The following PLCG2 variants were observed in gnomAD, a reference collection of about 807,000 sequenced individuals.
The protein encoded by PLCG2 is phospholipase C gamma 2.
Under a neutral mutation model 175.6 loss-of-function variants are expected in PLCG2, and 69 were observed. That is an observed-to-expected ratio of 0.39 (90% CI 0.32 to 0.48). PLCG2 has a LOEUF of 0.48. PLCG2 is among the 20% of genes least tolerant of loss of function. The probability of loss-of-function intolerance (pLI) is 0.91; values close to 1 mark genes in which losing one functional copy is unlikely to be tolerated. For missense variants in PLCG2, 1,798 were observed against 1,650.9 expected (o/e 1.09, Z -1.54); for synonymous variants, 827 against 624.0 (o/e 1.33, Z -4.85).
chr16:81,780,583 T>G (rs4073314), intron 1 of PLCG2, among the ~76,000 whole-genome samples: 5 of 152,168 alleles, frequency 3.3e-5, no homozygotes, highest in East Asian at 3.9e-4. Context: ...TCACTGATGT[T>G]TAAGTCACCT....
intron 2 of PLCG2, among the ~76,000 whole-genome samples, chr16:81,797,211 C>G (rs1911509323): frequency 6.6e-6 from 1 of 151,842 alleles, no homozygotes; most frequent in Non-Finnish European, 1.5e-5. Context: ...AGTGCAGGTC[C>G]AACGTCTTAG....
intron 5 of PLCG2, among the ~76,000 whole-genome samples, chr16:81,860,179 T>A (rs1241864414): frequency 2.4e-3 from 348 of 147,130 alleles, no homozygotes; most frequent in African/African-American, 7.5e-3. Context: ...ATTATTTTTT[T>A]TTTTTTTTGT....
intron 2 of PLCG2, among the ~76,000 whole-genome samples, chr16:81,756,285 G>C (rs1909925755): frequency 1.3e-5 from 2 of 152,256 alleles, no homozygotes; most frequent in South Asian, 4.1e-4. Context: ...CTTCCTGTAG[G>C]AGTATGCTGC....
In PLCG2 at chr16:81,850,847, T is replaced by C. The variant is rs188264342; in HGVS notation, c.194-3597T>C. ...GCCAAGGTGGAGGACTGGTCATTCT[T>C]CAGATCTCCTGCACATGCGGGCAAT... is the stretch of plus-strand genomic sequence containing the variant. On this transcript the variant is annotated intron_variant, in intron 2 of 32. Coordinates refer to ENST00000564138, the MANE Select transcript of PLCG2 (RefSeq NM_002661.5). 5.2e-4 allele frequency among the ~76,000 whole-genome samples: 79 copies of C among 152,358 alleles called. 1 individual carries two copies. The highest frequency in any genetic ancestry group is 1.5e-3 in the East Asian group (8 of 5,194).
intron 21 of PLCG2, 105 bp from the exon 22 acceptor site, chr16:81,923,380 C>A: frequency 1.5e-6 from 1 of 655,966 alleles, no homozygotes; most frequent in Non-Finnish European, 2.7e-6. Flanking sequence ...TGGCCTGAAG[C>A]CTCCTGCTCC....
In PLCG2 at chr16:81,959,282, T is replaced by G; in HGVS notation, c.*1284T>G. On this transcript the variant is annotated 3_prime_UTR_variant, in exon 33 of 33. Coordinates refer to ENST00000564138, the MANE Select transcript of PLCG2 (RefSeq NM_002661.5). ...TGGAACTGGCCCCTAGAAACCCATC[T>G]GACCCTCCTCTTGTTACCCGAAATG... The G allele has an allele frequency of 8.9e-6, 2 of 223,914 alleles. No individual in the cohort carries two copies. Among genetic ancestry groups the G allele is most frequent in the Non-Finnish European group, 1.8e-5 (2 of 112,162 alleles). 13.9% of individuals were successfully genotyped at this position (223,914 alleles called of 1,614,324 possible). A position where few individuals can be genotyped will look rare whatever the true frequency, so the allele number is the denominator to read the frequency against.
intron 1 of PLCG2, among the ~76,000 whole-genome samples, chr16:81,749,807 C>T (rs1036407202): frequency 6.6e-6 from 1 of 152,138 alleles, no homozygotes; most frequent in African/African-American, 2.4e-5. Flanking sequence ...TATACTCACC[C>T]CACTGTTCAA....
chr16:81,808,920 GGTGTA>G (rs1361832639), intron 2 of PLCG2, among the ~76,000 whole-genome samples: 1 of 152,172 alleles, frequency 6.6e-6, no homozygotes, highest in Non-Finnish European at 1.5e-5. Context: ...ACATGAGCTT[GGTGTA>G]GTTTGTGGCC....
At chr16:81,938,068 C>T (rs956956315) in intron 28 of PLCG2, among the ~76,000 whole-genome samples, 165 bp downstream of exon 28, 1 of 152,150 alleles carries the variant, frequency 6.6e-6, no homozygotes, top group South Asian at 2.1e-4. Flanking sequence ...TTACAGTACA[C>T]TCCGGGGTCG....
At chr16:81,834,311 C>T (rs1346459341) in intron 2 of PLCG2, among the ~76,000 whole-genome samples, 3 of 152,056 alleles carry the variant, frequency 2.0e-5, no homozygotes, top group Admixed American at 6.6e-5. Context: ...AACTTGACCT[C>T]GGAGGGCTCG....
At chr16:81,899,790 C>T (rs1023735852) in intron 13 of PLCG2, among the ~76,000 whole-genome samples, 2 of 152,198 alleles carry the variant, frequency 1.3e-5, no homozygotes, top group African/African-American at 4.8e-5. Flanking sequence ...TACAGTGATG[C>T]TGGCTGTGAG....
intron 19 of PLCG2, among the ~76,000 whole-genome samples, chr16:81,914,548 T>A (rs186608105): frequency 2.2e-4 from 33 of 152,258 alleles, no homozygotes; most frequent in African/African-American, 7.9e-4. Flanking sequence ...CCCCATGAGA[T>A]TGGAGGTGTC....
At chr16:81,943,632 C>T (rs989519025) in intron 30 of PLCG2, among the ~76,000 whole-genome samples, 1 of 152,192 alleles carries the variant, frequency 6.6e-6, no homozygotes, top group Non-Finnish European at 1.5e-5. Flanking sequence ...TCACCCCAGA[C>T]TTCCCAAGTC....
At chr16:81,888,314 A>G (rs1908467328) in intron 9 of PLCG2, among the ~76,000 whole-genome samples, 1 of 152,044 alleles carries the variant, frequency 6.6e-6, no homozygotes, top group Non-Finnish European at 1.5e-5. Context: ...GGGTTCAAGC[A>G]ATTCTCTTGC....
At chr16:81,750,565 C>T (rs1909788511) in intron 1 of PLCG2, among the ~76,000 whole-genome samples, 1 of 151,268 alleles carries the variant, frequency 6.6e-6, no homozygotes. Context: ...ATGGAATCAA[C>T]CTAAATGTCC....
intron 2 of PLCG2, among the ~76,000 whole-genome samples, chr16:81,764,897 C>G (rs1340766944): frequency 1.3e-5 from 2 of 151,986 alleles, no homozygotes; most frequent in African/African-American, 4.8e-5. Context: ...CGAGACCAGC[C>G]TGGACAAAAC....
At chr16:81,785,801 G>T in intron 1 of PLCG2, 142 bp from the exon 2 acceptor site, 1 of 574,966 alleles carries the variant, frequency 1.7e-6, no homozygotes, top group Non-Finnish European at 3.1e-6. Flanking sequence ...TGAGTGGCCA[G>T]CGATGCCTTG....
intron 2 of PLCG2, among the ~76,000 whole-genome samples, chr16:81,820,335 C>T (rs2143332485): frequency 6.6e-6 from 1 of 152,240 alleles, no homozygotes; most frequent in Admixed American, 6.5e-5. Flanking sequence ...AGCATGCACA[C>T]TCCCTGCCCC....
intron 2 of PLCG2, among the ~76,000 whole-genome samples, chr16:81,789,906 C>G (rs1597319891): frequency 6.6e-6 from 1 of 150,828 alleles, no homozygotes; most frequent in East Asian, 2.0e-4. Flanking sequence ...GCCCTAGGCG[C>G]TAGAGATACA....
Sources: allele counts gnomAD v4.1 joint callset (sites outside exome capture counted in the v4.1 genomes callset), GRCh38; gene constraint gnomAD v4.1.1; transcripts MANE v1.5; gene names NCBI Gene and HGNC (gene_info 2026-07-23, HGNC 2026-07-21).